The following CDC20B variants were observed in gnomAD, a reference collection of about 807,000 sequenced individuals.
CDC20B encodes the protein cell division cycle protein 20 homolog B.
A neutral mutation model predicts 64.1 loss-of-function variants in CDC20B; 58 were observed. That is an observed-to-expected ratio of 0.90 (90% confidence interval 0.73 to 1.13). The LOEUF (loss-of-function observed/expected upper bound fraction) is 1.13. CDC20B is among the 50% of genes most tolerant of loss of function. The pLI is 0.00. For missense variants in CDC20B, 597 were observed against 633.0 expected (o/e 0.94, Z 0.61); for synonymous variants, 243 against 230.6 (o/e 1.05, Z -0.49).
chr5:55,148,440 G>A (rs1431230985), intron 2 of CDC20B, among the ~76,000 whole-genome samples: 1 of 152,194 alleles, frequency 6.6e-6, no homozygotes, highest in Non-Finnish European at 1.5e-5. Context: ...TCAGCCGGCC[G>A]TGGCGGCTCA....
At position 55,113,977 on chromosome 5, in the gene CDC20B, A is replaced by G. The variant is rs1354328524; in HGVS notation, c.*241T>C. 1.9e-6 allele frequency: 1 copy of G among 530,430 alleles called. No homozygotes were observed. The highest frequency in any genetic ancestry group is 1.9e-5 in the African/African-American group (1 of 51,890). The allele number at this position is 530,430 out of a possible 1,614,324, so 32.9% of individuals were successfully genotyped here. A position where few individuals can be genotyped will look rare whatever the true frequency, so the allele number is the denominator to read the frequency against. The stretch of plus-strand genomic sequence containing the variant: ...ATCTCTAGAAAGGGGTAAGAATGGG[A>G]GGAAGAAGAGGAGGGGGAGGAAGAG... On this transcript the variant is annotated 3_prime_UTR_variant, in exon 12 of 12. Transcript: ENST00000381375.
chr5:55,122,273 CT>C (rs34776567), intron 9 of CDC20B, among the ~76,000 whole-genome samples: 91,921 of 146,786 alleles, frequency 0.63, 28,513 homozygotes, highest in Admixed American at 0.7. Flanking sequence ...AGTCTTTTCT[CT>C]TTTTTTTTTT....
chr5:55,114,352 C>T lies in CDC20B; in HGVS notation c.1460-34G>A, dbSNP rs770038913. 3.1e-6 allele frequency: 5 copies of T among 1,610,188 alleles called. No individual in the cohort carries two copies. Among genetic ancestry groups the T allele is most frequent in the Non-Finnish European group, 4.2e-6 (5 of 1,178,006 alleles). On this transcript the variant is annotated intron_variant, in intron 11 of 11. Transcript: ENST00000381375. This position sits in a 1 kb window ranked among gnomAD's most constrained non-coding sequence, Gnocchi z 4.1. ...AGAAGGAAAGACAGTTCATACTCCT[C>T]CACGTTACATGGGCTGCTGCTCAGG...
intron 6 of CDC20B, among the ~76,000 whole-genome samples, chr5:55,129,646 G>C (rs565080819): frequency 2.0e-5 from 3 of 152,202 alleles, no homozygotes; most frequent in African/African-American, 7.2e-5. Context: ...CCTACATGCA[G>C]AAGAGACTCA....
chr5:55,113,569 G>A lies in CDC20B; in HGVS notation c.*649C>T, dbSNP rs577113808. On this transcript the variant is annotated 3_prime_UTR_variant, in exon 12 of 12. Transcript: ENST00000381375. ...TGTCAGGCACACAGGATGTGACTAG[G>A]TGAAGCAAAAGAAAAGAGAGCAAAG... The A allele has an allele frequency of 4.1e-4, 62 of 152,820 alleles. No individual in the cohort carries two copies. Among genetic ancestry groups the A allele is most frequent in the Admixed American group, 8.5e-4 (13 of 15,308 alleles). 9.5% of individuals were successfully genotyped at this position (152,820 alleles called of 1,614,324 possible).
chr5:55,162,831 A>T (rs1744154263), intron 2 of CDC20B, among the ~76,000 whole-genome samples: 1 of 152,248 alleles, frequency 6.6e-6, no homozygotes. Context: ...CTGTGTAATC[A>T]AAAAGGTAAC....
chr5:55,146,920 T>A, intron 2 of CDC20B, 64 bp from the exon 3 acceptor site: 1 of 1,148,290 alleles, frequency 8.7e-7, no homozygotes, highest in Non-Finnish European at 1.3e-6. Flanking sequence ...AAAAATTCCC[T>A]ATAAGAGAAT....
At position 55,114,985 on chromosome 5, in the gene CDC20B, T is replaced by C. The variant is rs1742590271; in HGVS notation, c.1460-667A>G. On this transcript the variant is annotated intron_variant, in intron 11 of 11. Transcript: ENST00000381375. The surrounding 1 kb of genome is among the most constrained non-coding windows in gnomAD (Gnocchi z 4.1). Reference sequence around the variant, plus strand: ...CCACACCCTTCATGCCCTATACTGTTGTTAGTTCTGTCTTCTCTAATCCAA... The same window carrying C: ...CCACACCCTTCATGCCCTATACTGTCGTTAGTTCTGTCTTCTCTAATCCAA... Among the ~76,000 whole-genome samples, 1 of 152,172 alleles carries C rather than the reference T, an allele frequency of 6.6e-6. No individual in the cohort carries two copies. Among genetic ancestry groups the C allele is most frequent in the African/African-American group, 2.4e-5 (1 of 41,436 alleles).
At chr5:55,170,586 A>G (rs780146909) in intron 2 of CDC20B, 16 of 534,676 alleles carry the variant, frequency 3.0e-5, no homozygotes, top group Admixed American at 1.2e-4. Flanking sequence ...CACATATTCA[A>G]CCAGCTAACA....
At chr5:55,115,914 C>T (rs1455925586) in intron 11 of CDC20B, among the ~76,000 whole-genome samples, 1 of 152,188 alleles carries the variant, frequency 6.6e-6, no homozygotes, top group Non-Finnish European at 1.5e-5. Context: ...ACCACACACA[C>T]ACGCACCAGT....
intron 2 of CDC20B, among the ~76,000 whole-genome samples, chr5:55,158,243 C>T (rs1333891456): frequency 6.6e-6 from 1 of 152,160 alleles, no homozygotes; most frequent in Non-Finnish European, 1.5e-5. Flanking sequence ...ACTTAGAGAG[C>T]AAGGCCAGAG....
chr5:55,148,671 C>G (rs1373245958), intron 2 of CDC20B, among the ~76,000 whole-genome samples: 1 of 152,040 alleles, frequency 6.6e-6, no homozygotes, highest in South Asian at 2.1e-4. Flanking sequence ...GCACTCCAGC[C>G]TGGGCGACAA....
At position 55,125,030 on chromosome 5, in the gene CDC20B, T is replaced by G; in HGVS notation, c.990-2A>C. On this transcript the variant is annotated splice_acceptor_variant, in intron 8 of 11. Coordinates refer to ENST00000381375, the MANE Select transcript of CDC20B (RefSeq NM_001170402.1). LOFTEE classifies it high-confidence loss of function. ...TAAACACGCCCCAGTCTTGACCCAC[T>G]GCGAGTTTACATAACAAAAAAATTA... The G allele has an allele frequency of 6.2e-7, 1 of 1,605,114 alleles. No homozygotes were observed. The highest frequency in any genetic ancestry group is 8.5e-7 in the Non-Finnish European group (1 of 1,172,408).
At chr5:55,169,090 T>C (rs1281130416) in intron 2 of CDC20B, among the ~76,000 whole-genome samples, 6 of 152,166 alleles carry the variant, frequency 3.9e-5, no homozygotes, top group African/African-American at 2.4e-5. Flanking sequence ...TGATTCTTTA[T>C]AGAAAATAAC....
rs1742586218 is a variant in CDC20B, at chr5:55,114,829, T to TG, written c.1460-512dup. Among the ~76,000 whole-genome samples, 1 of 152,210 alleles carries TG rather than the reference T, an allele frequency of 6.6e-6. No individual in the cohort carries two copies. The highest frequency in any genetic ancestry group is 2.4e-5 in the African/African-American group (1 of 41,456). On this transcript the variant is annotated intron_variant, in intron 11 of 11. Coordinates refer to ENST00000381375, the MANE Select transcript of CDC20B (RefSeq NM_001170402.1). The surrounding 1 kb of genome is among the most constrained non-coding windows in gnomAD (Gnocchi z 4.1). ...ACTTGCCATTGGATTTAGGGCCACC[T>TG]GGATAATCCAGGATGATTTTATTTC... is the stretch of plus-strand genomic sequence containing the variant.
At chr5:55,163,731 C>G (rs1413835908) in intron 2 of CDC20B, among the ~76,000 whole-genome samples, 1 of 151,022 alleles carries the variant, frequency 6.6e-6, no homozygotes, top group Non-Finnish European at 1.5e-5. Flanking sequence ...TGGTCTTAAA[C>G]TCCTGATCTT....
At chr5:55,169,278 T>C (rs1157583651) in intron 2 of CDC20B, among the ~76,000 whole-genome samples, 2 of 152,250 alleles carry the variant, frequency 1.3e-5, no homozygotes, top group African/African-American at 4.8e-5. Flanking sequence ...ACCCATGTTC[T>C]AGAAATATGT....
chr5:55,155,820 C>T (rs114009904), intron 2 of CDC20B, among the ~76,000 whole-genome samples: 102 of 152,296 alleles, frequency 6.7e-4, no homozygotes, highest in Non-Finnish European at 1.0e-3. Flanking sequence ...GGACCTGCTG[C>T]TCTGCAGACC....
intron 8 of CDC20B, among the ~76,000 whole-genome samples, chr5:55,125,782 G>A (rs1417427841): frequency 1.3e-5 from 2 of 152,212 alleles, no homozygotes; most frequent in African/African-American, 2.4e-5. Flanking sequence ...TTAAAACTAT[G>A]CAATGCTGAA....
Sources: gnomAD v4.1 joint callset for allele counts (sites outside exome capture counted in the v4.1 genomes callset) on GRCh38, gnomAD v4.1.1 for gene constraint, Gnocchi (gnomAD v3.1) non-coding constraint, MANE v1.5 for transcripts, NCBI Gene and HGNC (gene_info 2026-07-23, HGNC 2026-07-21) for gene names.